The following LRRK1 variants were observed in gnomAD, a reference collection of about 807,000 sequenced individuals.
LRRK1 encodes leucine-rich repeat serine/threonine-protein kinase 1.
A neutral mutation model predicts 209.1 loss-of-function variants in LRRK1; 113 were observed. The observed-to-expected ratio is 0.54, with a 90% CI of 0.46 to 0.63. The LOEUF (loss-of-function observed/expected upper bound fraction) is 0.63. LRRK1 is among the 30% of genes least tolerant of loss of function. The pLI, the probability that LRRK1 is intolerant of heterozygous loss-of-function variation, is 0.00. For synonymous variants in LRRK1, 1,144 were observed against 1,099.7 expected (o/e 1.04, Z -0.80); for missense variants, 2,284 against 2,632.2 (o/e 0.87, Z 2.89).
intron 2 of LRRK1, among the ~76,000 whole-genome samples, chr15:100,941,358 G>GTGTGCCTGTA (rs1567190837): frequency 7.0e-6 from 1 of 141,988 alleles, no homozygotes. Flanking sequence ...TTGTGTGTGT[G>GTGTGCCTGTA]TGTGTGTGCC....
chr15:101,010,655 T>A lies in LRRK1; in HGVS notation c.1118-19T>A. On this transcript the variant is annotated intron_variant, in intron 8 of 33. Coordinates refer to ENST00000388948, the MANE Select transcript of LRRK1 (RefSeq NM_024652.6). ...TATTTTTACCAATTCATACTTTGGG[T>A]CTTTTTTTTTTTTTTTAGCCACTAA... The A allele has an allele frequency of 3.4e-6, 5 of 1,463,772 alleles. No homozygotes were observed. The highest frequency in any genetic ancestry group is 4.5e-6 in the Non-Finnish European group (5 of 1,121,098). 90.7% of individuals were successfully genotyped at this position (1,463,772 alleles called of 1,614,324 possible).
At chr15:101,062,504 T>C in intron 30 of LRRK1, 70 bp from the exon 31 acceptor site, 1 of 1,090,024 alleles carries the variant, frequency 9.2e-7, no homozygotes, top group Non-Finnish European at 1.4e-6. Flanking sequence ...TGCATCCTCA[T>C]GGGAATGGCT....
At chr15:100,948,014 C>T (rs1221471659) in intron 2 of LRRK1, among the ~76,000 whole-genome samples, 1 of 152,184 alleles carries the variant, frequency 6.6e-6, no homozygotes, top group Non-Finnish European at 1.5e-5. Flanking sequence ...ACAAGGCATC[C>T]ACGGGGAATT....
intron 1 of LRRK1, among the ~76,000 whole-genome samples, chr15:100,921,407 T>C (rs1242785369): frequency 6.6e-6 from 1 of 152,238 alleles, no homozygotes; most frequent in African/African-American, 2.4e-5. Context: ...AAGCCAATGC[T>C]AGTAAGGGAT....
intron 20 of LRRK1, among the ~76,000 whole-genome samples, chr15:101,035,822 T>C (rs2034473733): frequency 6.6e-6 from 1 of 152,204 alleles, no homozygotes; most frequent in Non-Finnish European, 1.5e-5. Flanking sequence ...GAGTGTTTGC[T>C]TTACCAGTGA....
Position 101,068,677 on chromosome 15 carries a change from G to A in LRRK1, c.5877G>A (p.Leu1959=). The stretch of plus-strand genomic sequence containing the variant: ...GACCCCCTTCTCTCTGCAGGGTGCT[G>A]GTGGATGCTGCCGTGGTGGCAAAGG... ...KARELTPHGV[L]VDAAVVAKDT... Residue 1959 remains leucine, a synonymous_variant, in exon 34 of 34, where the codon CTG becomes CTA. Coordinates refer to ENST00000388948, the MANE Select transcript of LRRK1 (RefSeq NM_024652.6). 6.3e-7 allele frequency: 1 copy of A among 1,596,814 alleles called. No homozygotes were observed. Among genetic ancestry groups the A allele is most frequent in the East Asian group, 2.2e-5 (1 of 44,574 alleles).
intron 2 of LRRK1, among the ~76,000 whole-genome samples, chr15:100,973,494 G>C (rs550284036): frequency 6.6e-6 from 1 of 152,016 alleles, no homozygotes; most frequent in East Asian, 2.0e-4. Context: ...CGCTGCTGTC[G>C]GCGAGGTCGG....
chr15:100,992,626 AC>A (rs2032205974), intron 6 of LRRK1, among the ~76,000 whole-genome samples: 1 of 151,502 alleles, frequency 6.6e-6, no homozygotes, highest in Admixed American at 6.6e-5. Flanking sequence ...CTGTATTAAA[AC>A]CCTCTTCATA....
At chr15:101,018,007 A>T (rs1187802135) in intron 12 of LRRK1, among the ~76,000 whole-genome samples, 2 of 152,274 alleles carry the variant, frequency 1.3e-5, no homozygotes, top group African/African-American at 4.8e-5. Flanking sequence ...ATAATTTTTT[A>T]AAAAGACTGA....
At chr15:100,947,266 C>A (rs370177468) in intron 2 of LRRK1, among the ~76,000 whole-genome samples, 1 of 151,996 alleles carries the variant, frequency 6.6e-6, no homozygotes, top group Admixed American at 6.6e-5. Context: ...CTCCAGTTTT[C>A]AAATCAAACA....
intron 21 of LRRK1, 142 bp downstream of exon 21, chr15:101,046,294 G>A (rs1311613069): frequency 1.0e-6 from 1 of 968,434 alleles, no homozygotes; most frequent in African/African-American, 1.6e-5. Context: ...TAGTGCCAGG[G>A]GGCAGGTGTG....
At chr15:100,994,649 C>CT (rs1567220902) in intron 6 of LRRK1, among the ~76,000 whole-genome samples, 1 of 152,142 alleles carries the variant, frequency 6.6e-6, no homozygotes, top group East Asian at 1.9e-4. Context: ...GGCTCTGTTG[C>CT]GTGGAATCAG....
chr15:101,011,382 C>T (rs2033232322), intron 9 of LRRK1, among the ~76,000 whole-genome samples: 2 of 149,038 alleles, frequency 1.3e-5, no homozygotes, highest in African/African-American at 5.0e-5. Context: ...AGGCTGAGGC[C>T]AGGGAATTGC....
intron 20 of LRRK1, among the ~76,000 whole-genome samples, chr15:101,037,167 G>C (rs1237806358): frequency 2.0e-5 from 3 of 152,176 alleles, no homozygotes; most frequent in Admixed American, 2.0e-4. Flanking sequence ...AGCTGGCATG[G>C]TGTGGGTAAT....
chr15:101,022,069 A>ATG lies in LRRK1; in HGVS notation c.1852+112_1852+113insTG. Reference sequence around the variant, plus strand: ...TTGGTGACCCATGGAGCCCAGCTCCAGGTTCCAGATTTGACAAGATGCTAT... The same window carrying ATG: ...TTGGTGACCCATGGAGCCCAGCTCCATGGGTTCCAGATTTGACAAGATGCTAT... On this transcript the variant is annotated intron_variant, in intron 14 of 33. Transcript: ENST00000388948. This position sits in a 1 kb window ranked among gnomAD's most constrained non-coding sequence, Gnocchi z 4.0. 1.3e-6 allele frequency: 1 copy of ATG among 745,154 alleles called. No homozygotes were observed. The highest frequency in any genetic ancestry group is 2.2e-6 in the Non-Finnish European group (1 of 455,084). 46.2% of individuals were successfully genotyped at this position (745,154 alleles called of 1,614,324 possible). A position where few individuals can be genotyped will look rare whatever the true frequency, so the allele number is the denominator to read the frequency against.
chr15:101,003,766 G>C (rs2032813731), intron 6 of LRRK1, among the ~76,000 whole-genome samples: 1 of 152,200 alleles, frequency 6.6e-6, no homozygotes, highest in Non-Finnish European at 1.5e-5. Context: ...TTCAGGATGA[G>C]ATTTGGGTGG....
chr15:101,027,187 C>T lies in LRRK1; in HGVS notation c.2406-74C>T. ...TTGCCAGCGTTCAGGACAAACCTCT[C>T]AGGGAAACAGAGAAGCAGCAGCGCT... On this transcript the variant is annotated intron_variant, in intron 17 of 33. Coordinates refer to ENST00000388948, the MANE Select transcript of LRRK1 (RefSeq NM_024652.6). The surrounding 1 kb of genome is among the most constrained non-coding windows in gnomAD (Gnocchi z 5.1). 3 of 1,581,940 alleles carry T rather than the reference C, an allele frequency of 1.9e-6. No homozygotes were observed. Among genetic ancestry groups the T allele is most frequent in the South Asian group, 1.2e-5 (1 of 86,632 alleles).
intron 20 of LRRK1, among the ~76,000 whole-genome samples, chr15:101,033,807 G>C (rs2034384982): frequency 6.6e-6 from 1 of 152,162 alleles, no homozygotes; most frequent in African/African-American, 2.4e-5. Context: ...GGATTGTATG[G>C]TAGTTCTATT....
chr15:101,050,636 G>T (rs2035372321), intron 23 of LRRK1: 1 of 152,564 alleles, frequency 6.6e-6, no homozygotes, highest in South Asian at 2.1e-4. Context: ...GGCCTCACCT[G>T]CATGCAATGC....
Sources: gnomAD v4.1 joint callset for allele counts (sites outside exome capture counted in the v4.1 genomes callset) on GRCh38, gnomAD v4.1.1 for gene constraint, Gnocchi (gnomAD v3.1) non-coding constraint, MANE v1.5 for transcripts, NCBI Gene and HGNC (gene_info 2026-07-23, HGNC 2026-07-21) for gene names.